The following NHSL1 variants were observed in gnomAD, a reference collection of about 807,000 sequenced individuals.
NHSL1 encodes the protein NHS-like protein 1.
In NHSL1, 48 loss-of-function variants were observed where a neutral mutation model predicts 95.0. That is an observed-to-expected ratio of 0.51 (90% CI 0.40 to 0.64). The LOEUF (loss-of-function observed/expected upper bound fraction) is 0.64. NHSL1 is among the 30% of genes least tolerant of loss of function. The pLI is 0.00. For missense variants in NHSL1, 1,971 were observed against 2,077.7 expected, an observed-to-expected ratio of 0.95 and a Z score of 1.00; for synonymous variants, 783 against 833.9, an observed-to-expected ratio of 0.94 and a Z score of 1.05.
intron 1 of NHSL1, among the ~76,000 whole-genome samples, chr6:138,669,024 T>A (rs564616508): frequency 1.3e-5 from 2 of 152,312 alleles, no homozygotes; most frequent in South Asian, 4.1e-4. Context: ...GAAGTCACCA[T>A]CTCAGAGTAA....
chr6:138,567,085 T>A (rs897467541), intron 1 of NHSL1, among the ~76,000 whole-genome samples: 25 of 116,080 alleles, frequency 2.2e-4, no homozygotes, highest in African/African-American at 1.2e-3. Context: ...AAGGAAGCTA[T>A]TTTTTTTTTT....
intron 1 of NHSL1, among the ~76,000 whole-genome samples, chr6:138,617,376 C>T (rs929700651): frequency 6.6e-6 from 1 of 152,158 alleles, no homozygotes; most frequent in African/African-American, 2.4e-5. Context: ...AGACTGCATT[C>T]TCCACGCCCT....
At chr6:138,520,833 G>C (rs1291036867) in intron 1 of NHSL1, among the ~76,000 whole-genome samples, 3 of 152,170 alleles carry the variant, frequency 2.0e-5, no homozygotes, top group African/African-American at 7.2e-5. Flanking sequence ...AAGCTACTGT[G>C]ATCAACTAGG....
At chr6:138,497,660 G>T (rs1315340561) in intron 1 of NHSL1, among the ~76,000 whole-genome samples, 7 of 152,162 alleles carry the variant, frequency 4.6e-5, no homozygotes, top group Non-Finnish European at 1.0e-4. Flanking sequence ...CTTAGCTCAA[G>T]AAATAACTCA....
intron 1 of NHSL1, among the ~76,000 whole-genome samples, chr6:138,587,966 T>C (rs1297623989): frequency 6.6e-6 from 1 of 152,260 alleles, no homozygotes; most frequent in African/African-American, 2.4e-5. Context: ...TACACCTTCA[T>C]GGTACAGATG....
At chr6:138,648,138 A>G (rs1284338950) in intron 1 of NHSL1, among the ~76,000 whole-genome samples, 1 of 152,186 alleles carries the variant, frequency 6.6e-6, no homozygotes, top group East Asian at 1.9e-4. Flanking sequence ...AGCAAAATAT[A>G]TATTTTACTT....
At position 138,609,076 on chromosome 6, in the gene NHSL1, G is replaced by A. The variant is rs560981447; in HGVS notation, c.96+83400C>T. Among the ~76,000 whole-genome samples, 9 of 152,266 alleles carry A rather than the reference G, an allele frequency of 5.9e-5. No homozygotes were observed. In the South Asian group the frequency reaches 6.2e-4, roughly 11 times the overall value. On this transcript the variant is annotated intron_variant, in intron 1 of 3. Transcript: ENST00000491526. ...AATAATGCCTATGTAAAGGGTCCAC[G>A]ATCCCCAAAGATTAAGAAATGCTGA...
At chr6:138,668,521 G>A (rs146951162) in intron 1 of NHSL1, among the ~76,000 whole-genome samples, 1 of 151,442 alleles carries the variant, frequency 6.6e-6, no homozygotes, top group African/African-American at 2.4e-5. Flanking sequence ...AAAACATCAT[G>A]TTGCACCCCA....
At chr6:138,454,815 T>C (rs1777475620) in intron 3 of NHSL1, among the ~76,000 whole-genome samples, 1 of 152,268 alleles carries the variant, frequency 6.6e-6, no homozygotes, top group Admixed American at 6.5e-5. Flanking sequence ...CAAAGCTACT[T>C]TGCATGGTTG....
chr6:138,497,622 G>C (rs1780433377), intron 1 of NHSL1, among the ~76,000 whole-genome samples: 1 of 152,172 alleles, frequency 6.6e-6, no homozygotes, highest in Admixed American at 6.5e-5. Flanking sequence ...CTACTCTAAA[G>C]ATCAAATGAA....
chr6:138,538,545 A>G (rs567740220), intron 1 of NHSL1, among the ~76,000 whole-genome samples: 30 of 152,118 alleles, frequency 2.0e-4, no homozygotes, highest in African/African-American at 7.0e-4. Context: ...ACATTAAGTC[A>G]CTGTTCATCC....
At chr6:138,508,777 T>A (rs1781084100) in intron 1 of NHSL1, among the ~76,000 whole-genome samples, 1 of 152,230 alleles carries the variant, frequency 6.6e-6, no homozygotes, top group East Asian at 1.9e-4. Flanking sequence ...TGACAGACTG[T>A]CACTCTATTT....
chr6:138,537,899 C>T (rs2128321251), intron 1 of NHSL1, among the ~76,000 whole-genome samples: 1 of 152,176 alleles, frequency 6.6e-6, no homozygotes, highest in South Asian at 2.1e-4. Context: ...GAGATCCAGG[C>T]CGGCGAGAAG....
chr6:138,490,191 C>T (rs17053783), intron 2 of NHSL1, among the ~76,000 whole-genome samples: 12,818 of 151,826 alleles, frequency 0.084, 1,327 homozygotes, highest in African/African-American at 0.24. Context: ...AAGAATTCAA[C>T]GTGGTTAGCA....
At chr6:138,632,547 G>A (rs941459978) in intron 1 of NHSL1, among the ~76,000 whole-genome samples, 2 of 152,132 alleles carry the variant, frequency 1.3e-5, no homozygotes, top group Non-Finnish European at 2.9e-5. Context: ...TGGGAGAAAG[G>A]GAAGAGAGCA....
In NHSL1 at chr6:138,431,962, T is replaced by G; in HGVS notation, c.2383A>C (p.Asn795His). ...CTGGTTGAACAGCCCCCTGCCGGGT[T>G]CCCCGGATCTTCCTGCATGCCCGTG... ...DYTGMQEDPG[N>H]PAGGCSTSSG... The change falls in exon 6 of 8, where the codon AAC becomes CAC. Residue 795 changes from asparagine (N) to histidine (H), a missense_variant. Coordinates refer to ENST00000343505, the MANE Select transcript of NHSL1 (RefSeq NM_001144060.2). This position sits in a 1 kb window ranked among gnomAD's most constrained non-coding sequence, Gnocchi z 4.0. 1.3e-6 allele frequency: 2 copies of G among 1,551,738 alleles called. No homozygotes were observed. The highest frequency in any genetic ancestry group is 1.7e-6 in the Non-Finnish European group (2 of 1,147,002).
At chr6:138,577,903 C>T (rs906815866) in intron 1 of NHSL1, among the ~76,000 whole-genome samples, 4 of 152,132 alleles carry the variant, frequency 2.6e-5, no homozygotes, top group Admixed American at 6.5e-5. Context: ...AAACACATTC[C>T]CCATAGTACA....
chr6:138,655,416 A>G (rs763681724), intron 1 of NHSL1, among the ~76,000 whole-genome samples: 40 of 152,224 alleles, frequency 2.6e-4, no homozygotes, highest in Non-Finnish European at 5.1e-4. Flanking sequence ...CTTTGAGGTC[A>G]GAGGATATTT....
chr6:138,514,986 TA>T (rs879673413), intron 1 of NHSL1, among the ~76,000 whole-genome samples: 87 of 144,204 alleles, frequency 6.0e-4, no homozygotes, highest in Non-Finnish European at 5.8e-4. Flanking sequence ...GACGTAAGAT[TA>T]AAAAAAAAAA....
Sources: gnomAD v4.1 joint callset for allele counts (sites outside exome capture counted in the v4.1 genomes callset) on GRCh38, gnomAD v4.1.1 for gene constraint, Gnocchi (gnomAD v3.1) non-coding constraint, MANE v1.5 for transcripts, NCBI Gene and HGNC (gene_info 2026-07-23, HGNC 2026-07-21) for gene names.